NEURL1B: variants seen among roughly 807,000 people sequenced by gnomAD.
NEURL1B encodes neuralized E3 ubiquitin protein ligase 1B, also known as E3 ubiquitin-protein ligase NEURL1B.
In NEURL1B, 13 loss-of-function variants were observed where a neutral mutation model predicts 37.4. That is an observed-to-expected ratio of 0.35 (90% CI 0.23 to 0.55). The LOEUF (loss-of-function observed/expected upper bound fraction) is 0.55, where lower values mean the gene tolerates loss of function less well. NEURL1B is among the 20% of genes least tolerant of loss of function. The probability of loss-of-function intolerance (pLI) is 0.89; values close to 1 mark genes in which losing one functional copy is unlikely to be tolerated. For missense variants in NEURL1B, 790 were observed against 879.2 expected (o/e 0.90, Z 1.28); for synonymous variants, 432 against 426.6 (o/e 1.01, Z -0.16).
At position 172,686,600 on chromosome 5, in the gene NEURL1B, C is replaced by A; in HGVS notation, c.1424-81C>A. Reference sequence around the variant, plus strand: ...TTCTCCCACCGGTCCCAGCAAGAAGCCCTGCATTCTCGGGGTTGCCCCAAC... The same window carrying A: ...TTCTCCCACCGGTCCCAGCAAGAAGACCTGCATTCTCGGGGTTGCCCCAAC... On this transcript the variant is annotated intron_variant, in intron 4 of 4. Transcript: ENST00000369800. This position sits in a 1 kb window ranked among gnomAD's most constrained non-coding sequence, Gnocchi z 7.9. 7.0e-7 allele frequency: 1 copy of A among 1,433,080 alleles called. No homozygotes were observed. The highest frequency in any genetic ancestry group is 9.4e-7 in the Non-Finnish European group (1 of 1,059,586). 88.8% of individuals were successfully genotyped at this position (1,433,080 alleles called of 1,614,324 possible).
At position 172,647,061 on chromosome 5, in the gene NEURL1B, G is replaced by A. The variant is rs1757574179; in HGVS notation, c.31+5624G>A. Reference sequence around the variant, plus strand: ...TAATGTGCTGTGTTTGCCAGCAGGGGCGTAGCATTTTCCCTGGGCTGGACC... The same window carrying A: ...TAATGTGCTGTGTTTGCCAGCAGGGACGTAGCATTTTCCCTGGGCTGGACC... On this transcript the variant is annotated intron_variant, in intron 1 of 4. Transcript: ENST00000369800. This position sits in a 1 kb window ranked among gnomAD's most constrained non-coding sequence, Gnocchi z 4.2. Among the ~76,000 whole-genome samples, 1 of 152,184 alleles carries A rather than the reference G, an allele frequency of 6.6e-6. No individual in the cohort carries two copies.
intron 1 of NEURL1B, among the ~76,000 whole-genome samples, chr5:172,645,069 G>A (rs373673929): frequency 3.9e-5 from 6 of 152,190 alleles, no homozygotes; most frequent in Non-Finnish European, 5.9e-5. Context: ...CTCAATAACC[G>A]GGCATCCTGG....
chr5:172,643,234 T>C (rs1757501025), intron 1 of NEURL1B, among the ~76,000 whole-genome samples: 1 of 152,172 alleles, frequency 6.6e-6, no homozygotes, highest in South Asian at 2.1e-4. Context: ...TGCACTGAGT[T>C]TGAGGAAGGG....
At chr5:172,668,097 C>T (rs1187881577) in intron 1 of NEURL1B, among the ~76,000 whole-genome samples, 8 of 152,228 alleles carry the variant, frequency 5.3e-5, no homozygotes, top group East Asian at 3.9e-4. Flanking sequence ...CTCTCTGCCC[C>T]GCCTTGTTGG....
chr5:172,643,788 G>A (rs1461690718), intron 1 of NEURL1B, among the ~76,000 whole-genome samples: 4 of 152,086 alleles, frequency 2.6e-5, no homozygotes, highest in South Asian at 2.1e-4. Context: ...TTCTTTCTGC[G>A]GGACTTGAAA....
Position 172,683,085 on chromosome 5 carries a change from C to T in NEURL1B, c.578-334C>T, listed in dbSNP as rs954087968. Among the ~76,000 whole-genome samples, 5 of 151,652 alleles carry T rather than the reference C, an allele frequency of 3.3e-5. No homozygotes were observed. Among genetic ancestry groups the T allele is most frequent in the African/African-American group, 9.7e-5 (4 of 41,198 alleles). The stretch of plus-strand genomic sequence containing the variant: ...TTTAATGATCAAAGTATGGAAACCT[C>T]GGAAAGAGGGAGAGAAGGGGAAAGG... On this transcript the variant is annotated intron_variant, in intron 2 of 4. Transcript: ENST00000369800. This position sits in a 1 kb window ranked among gnomAD's most constrained non-coding sequence, Gnocchi z 5.6.
intron 2 of NEURL1B, among the ~76,000 whole-genome samples, chr5:172,679,056 G>A (rs1447672390): frequency 6.6e-6 from 1 of 152,358 alleles, no homozygotes; most frequent in East Asian, 1.9e-4. Flanking sequence ...GGCTATTCAT[G>A]GCAGGGAGGC....
At position 172,683,548 on chromosome 5, in the gene NEURL1B, C is replaced by G; in HGVS notation, c.707C>G (p.Ala236Gly). 6.7e-7 allele frequency: 1 copy of G among 1,481,574 alleles called. No individual in the cohort carries two copies. The highest frequency in any genetic ancestry group is 8.9e-7 in the Non-Finnish European group (1 of 1,119,154). The allele number at this position is 1,481,574 out of a possible 1,614,324, so 91.8% of individuals were successfully genotyped here. The change falls in exon 3 of 5, where the codon GCC (alanine) becomes GGC (glycine). Residue 236 changes from alanine (A) to glycine (G), a missense_variant. This residue lies in a region of NEURL1B where 460 missense variants were observed against 407.4 expected (regional missense o/e 1.13). Transcript: ENST00000369800. This position sits in a 1 kb window ranked among gnomAD's most constrained non-coding sequence, Gnocchi z 5.6. The stretch of plus-strand genomic sequence containing the variant: ...GAGCTCGAGAACAACCAGGTGGTGG[C>G]CAAGCTGGGCCACCTGGCGCTGGGC... The part of the protein sequence containing the change: ...NNELENNQVV[A>G]KLGHLALGRA...
rs1053759634 is a variant in NEURL1B at position 172,647,337 on chromosome 5, C to T, written c.31+5900C>T. The stretch of plus-strand genomic sequence containing the variant: ...GGTGGTCCGAGCTTCTGCACACCTG[C>T]CCTGCACTAGGCCCTTTATTCCATC... On this transcript the variant is annotated intron_variant, in intron 1 of 4. Coordinates refer to ENST00000369800, the MANE Select transcript of NEURL1B (RefSeq NM_001142651.3). This position sits in a 1 kb window ranked among gnomAD's most constrained non-coding sequence, Gnocchi z 4.2. Among the ~76,000 whole-genome samples, 2 of 152,152 alleles carry T rather than the reference C, an allele frequency of 1.3e-5. No individual in the cohort carries two copies. The highest frequency in any genetic ancestry group is 2.9e-5 in the Non-Finnish European group (2 of 68,010).
chr5:172,671,203 G>T (rs961431650), intron 2 of NEURL1B, among the ~76,000 whole-genome samples: 3 of 152,020 alleles, frequency 2.0e-5, no homozygotes, highest in African/African-American at 4.8e-5. Flanking sequence ...TTCTCCCCTC[G>T]CTCCAGCCCC....
chr5:172,685,023 C>T (rs964287142), intron 3 of NEURL1B, among the ~76,000 whole-genome samples: 3 of 152,312 alleles, frequency 2.0e-5, no homozygotes, highest in East Asian at 1.9e-4. Flanking sequence ...TTATCCCCAC[C>T]TACAGATAAG....
At chr5:172,674,388 A>G (rs976388958) in intron 2 of NEURL1B, among the ~76,000 whole-genome samples, 5 of 152,042 alleles carry the variant, frequency 3.3e-5, no homozygotes, top group African/African-American at 1.2e-4. Context: ...TGCTGCATCT[A>G]TGGGGCCAGA....
Position 172,686,978 on chromosome 5 carries a change from C to A in NEURL1B, c.*53C>A. The A allele has an allele frequency of 6.6e-7, 1 of 1,511,480 alleles. No homozygotes were observed. The highest frequency in any genetic ancestry group is 1.3e-5 in the South Asian group (1 of 79,580). The allele number at this position is 1,511,480 out of a possible 1,614,324, so 93.6% of individuals were successfully genotyped here. On this transcript the variant is annotated 3_prime_UTR_variant, in exon 5 of 5. Transcript: ENST00000369800. This position sits in a 1 kb window ranked among gnomAD's most constrained non-coding sequence, Gnocchi z 7.9. ...TGCAAGGTCACCTTTCTGAAGGCCC[C>A]CTGGGCTGGGCAACCACATGGCTGC...
In NEURL1B at chr5:172,675,955, T is replaced by C. The variant is rs78014493; in HGVS notation, c.577+5625T>C. On this transcript the variant is annotated intron_variant, in intron 2 of 4. Coordinates refer to ENST00000369800, the MANE Select transcript of NEURL1B (RefSeq NM_001142651.3). This position sits in a 1 kb window ranked among gnomAD's most constrained non-coding sequence, Gnocchi z 4.7. ...CTCGAGTTCAGGCCAGGCCCTGTGC[T>C]TTTTTGAGGCAGCCCTGCCCTCCTT... is the stretch of plus-strand genomic sequence containing the variant. Among the ~76,000 whole-genome samples the C allele has an allele frequency of 3.0e-4, 45 of 152,298 alleles. No individual in the cohort carries two copies. The East Asian group carries it at 7.3e-3, about 25-fold the overall frequency.
In NEURL1B at chr5:172,684,050, C is replaced by T; in HGVS notation, c.1209C>T (p.Arg403=). Residue 403 remains arginine, a synonymous_variant, in exon 3 of 5, where the codon CGC becomes CGT. Transcript: ENST00000369800. The part of the protein sequence containing the change: ...DVLLGINGRP[R]GRLLCVDTTQ... ...TCCTGGGCATCAACGGGCGTCCGCG[C>T]GGCCGCCTGCTGTGCGTCGACACCA... 2 of 1,330,226 alleles carry T rather than the reference C, an allele frequency of 1.5e-6. No homozygotes were observed. The highest frequency in any genetic ancestry group is 1.8e-5 in the South Asian group (1 of 56,292). The allele number at this position is 1,330,226 out of a possible 1,614,324, so 82.4% of individuals were successfully genotyped here. A position where few individuals can be genotyped will look rare whatever the true frequency, so the allele number is the denominator to read the frequency against.
rs143713859 is a variant in NEURL1B at position 172,659,578 on chromosome 5, G to A, written c.32-10207G>A. Among the ~76,000 whole-genome samples the A allele has an allele frequency of 3.8e-3, 582 of 152,296 alleles. 1 individual carries two copies. Among genetic ancestry groups the A allele is most frequent in the South Asian group, 7.0e-3 (34 of 4,824 alleles). On this transcript the variant is annotated intron_variant, in intron 1 of 4. Transcript: ENST00000369800. ...CTTTGACTGGCATGGAAGAAAGGAA[G>A]GCCCAGGGTTTCAATCTCATTTTTC...
intron 1 of NEURL1B, chr5:172,662,030 T>C (rs1256817191): frequency 6.6e-6 from 1 of 152,212 alleles, no homozygotes; most frequent in African/African-American, 2.4e-5. Context: ...CAGAACGTAT[T>C]TTCCCAGCTG....
In NEURL1B at chr5:172,691,521, G is replaced by A. The variant is rs1758659540; in HGVS notation, c.*4596G>A. On this transcript the variant is annotated 3_prime_UTR_variant, in exon 5 of 5. Transcript: ENST00000369800. The stretch of plus-strand genomic sequence containing the variant: ...TTCCTGTTTAAAAAAATACAACTTT[G>A]GCTTGTTAAAAAAAAAAAAGTCTTC... 6.8e-6 allele frequency: 1 copy of A among 146,382 alleles called. No homozygotes were observed. Among genetic ancestry groups the A allele is most frequent in the Admixed American group, 6.8e-5 (1 of 14,790 alleles). 9.1% of individuals were successfully genotyped at this position (146,382 alleles called of 1,614,324 possible). A position where few individuals can be genotyped will look rare whatever the true frequency, so the allele number is the denominator to read the frequency against.
intron 2 of NEURL1B, among the ~76,000 whole-genome samples, chr5:172,677,067 G>A (rs564748041): frequency 6.6e-6 from 1 of 152,096 alleles, no homozygotes; most frequent in Non-Finnish European, 1.5e-5. Flanking sequence ...GGAGGGAGGT[G>A]TGGACCCAGG....
Sources: allele counts gnomAD v4.1 joint callset (sites outside exome capture counted in the v4.1 genomes callset), GRCh38; gene constraint gnomAD v4.1.1; regional missense constraint gnomAD v4.1.1; non-coding constraint Gnocchi (gnomAD v3.1); transcripts MANE v1.5; gene names NCBI Gene and HGNC (gene_info 2026-07-23, HGNC 2026-07-21).